NUP133: variants seen among roughly 807,000 people sequenced by gnomAD.
NUP133 encodes nuclear pore complex protein Nup133.
A neutral mutation model predicts 146.2 loss-of-function variants in NUP133; 66 were observed. The ratio of observed to expected loss-of-function variants is 0.45; its 90% confidence interval spans 0.37 to 0.55. The LOEUF is 0.55. Ranked by LOEUF, NUP133 falls within the 20% of genes least tolerant of loss-of-function variation. The probability of loss-of-function intolerance (pLI) is 0.00; values close to 1 mark genes in which losing one functional copy is unlikely to be tolerated. For missense variants in NUP133, 1,277 were observed against 1,374.8 expected, an observed-to-expected ratio of 0.93 and a Z score of 1.12; for synonymous variants, 521 against 498.8, an observed-to-expected ratio of 1.04 and a Z score of -0.59.
chr1:229,497,604 C>T (rs1661685381), intron 6 of NUP133, among the ~76,000 whole-genome samples: 1 of 152,204 alleles, frequency 6.6e-6, no homozygotes, highest in East Asian at 1.9e-4. Context: ...GCTTCCTCAT[C>T]TGTAAACTGG....
At position 229,472,707 on chromosome 1, in the gene NUP133, C is replaced by CATATATATATATATATATATAT. The variant is rs372362492; in HGVS notation, c.1852-1904_1852-1903insATATATATATATATATATATAT. 6.5e-3 allele frequency among the ~76,000 whole-genome samples: 811 copies of CATATATATATATATATATATAT among 124,062 alleles called. 18 individuals are homozygous for CATATATATATATATATATATAT. Among genetic ancestry groups the CATATATATATATATATATATAT allele is most frequent in the African/African-American group, 0.016 (509 of 31,840 alleles). The allele number at this position is 124,062 out of a possible 152,430, so 81.4% of individuals were successfully genotyped here. Reference sequence around the variant, plus strand: ...CAAAAAAATTAAAAAACTAAATATACATATATATATATATATATATGTACA... The same window carrying CATATATATATATATATATATAT: ...CAAAAAAATTAAAAAACTAAATATACATATATATATATATATATATATATATATATATATATATATATGTACA... On this transcript the variant is annotated intron_variant, in intron 14 of 25. Coordinates refer to ENST00000261396, the MANE Select transcript of NUP133 (RefSeq NM_018230.3).
intron 12 of NUP133, 99 bp from the exon 13 acceptor site, chr1:229,477,859 A>C (rs1317724667): frequency 3.5e-6 from 3 of 850,070 alleles, no homozygotes; most frequent in East Asian, 5.4e-5. Flanking sequence ...AGCCAAAAAA[A>C]AGAATGCGAT....
At chr1:229,454,322 C>T (rs901011423) in intron 21 of NUP133, among the ~76,000 whole-genome samples, 1 of 152,164 alleles carries the variant, frequency 6.6e-6, no homozygotes, top group Non-Finnish European at 1.5e-5. Context: ...ACAGCATTCA[C>T]AGCAAAACAG....
rs927844785 is a variant in NUP133 at position 229,445,133 on chromosome 1, CA to C, written c.3246-132del. The C allele has an allele frequency of 4.5e-6, 3 of 671,312 alleles. No homozygotes were observed. The African/African-American group carries it at 5.4e-5, about 12-fold the overall frequency. The allele number at this position is 671,312 out of a possible 1,614,324, so 41.6% of individuals were successfully genotyped here. On this transcript the variant is annotated intron_variant, in intron 24 of 25. Coordinates refer to ENST00000261396, the MANE Select transcript of NUP133 (RefSeq NM_018230.3). ...GAATCTGAGTTTTGTGATACTGTTT[CA>C]AATCATTTAAATAAAGGCACTTTAC...
intron 8 of NUP133, among the ~76,000 whole-genome samples, chr1:229,490,705 G>A (rs929294031): frequency 1.2e-4 from 18 of 152,166 alleles, no homozygotes; most frequent in African/African-American, 4.3e-4. Flanking sequence ...GCTCACGTCT[G>A]TAATCCCAGC....
In NUP133 at chr1:229,470,611, T is replaced by C. The variant is rs1346813375; in HGVS notation, c.2045A>G (p.Asn682Ser). 2 of 1,614,056 alleles carry C rather than the reference T, an allele frequency of 1.2e-6. No individual in the cohort carries two copies. Among genetic ancestry groups the C allele is most frequent in the Non-Finnish European group, 1.7e-6 (2 of 1,180,034 alleles). The change falls in exon 15 of 26, where the codon AAC (asparagine) becomes AGC (serine). Residue 682 changes from asparagine to serine, a missense_variant. By Grantham distance (46) the Asn-to-Ser change is conservative. Around this residue, in one of 3 missense-constraint regions of NUP133, gnomAD observed 952 missense variants for 1,047.0 expected, o/e 0.91. Coordinates refer to ENST00000261396, the MANE Select transcript of NUP133 (RefSeq NM_018230.3). ...LNKREYEIPSNLTPADVFFRE... is the reference protein window; with the variant it reads ...LNKREYEIPSSLTPADVFFRE... ...GAAAAAGACATCTGCAGGAGTCAGGTTGGATGGGATTTCATACTCCCTCTT... is the reference window on the plus strand; with the variant it reads ...GAAAAAGACATCTGCAGGAGTCAGGCTGGATGGGATTTCATACTCCCTCTT...
At chr1:229,447,514 C>T (rs1315868464) in intron 24 of NUP133, among the ~76,000 whole-genome samples, 1 of 151,648 alleles carries the variant, frequency 6.6e-6, no homozygotes, top group Non-Finnish European at 1.5e-5. Flanking sequence ...GCTGGCAGCC[C>T]CCAGCTAGCT....
chr1:229,458,347 T>C (rs1660614772), intron 20 of NUP133, 51 bp from the exon 21 acceptor site: 2 of 1,572,980 alleles, frequency 1.3e-6, no homozygotes, highest in East Asian at 4.5e-5. Flanking sequence ...CAATTCAAGC[T>C]GAAACAAAGG....
intron 12 of NUP133, among the ~76,000 whole-genome samples, chr1:229,482,581 T>A (rs944805876): frequency 6.6e-6 from 1 of 152,164 alleles, no homozygotes; most frequent in Non-Finnish European, 1.5e-5. Context: ...AGTACCAGAA[T>A]ACATGAGCAG....
chr1:229,476,694 C>G (rs1050387369), intron 13 of NUP133, among the ~76,000 whole-genome samples: 2 of 151,832 alleles, frequency 1.3e-5, no homozygotes, highest in East Asian at 3.9e-4. Flanking sequence ...GAGATCAAAG[C>G]GGGTGGACCA....
chr1:229,487,887 A>G (rs2102775842), intron 9 of NUP133, among the ~76,000 whole-genome samples: 1 of 130,794 alleles, frequency 7.6e-6, no homozygotes, highest in East Asian at 2.2e-4. Flanking sequence ...TCTGTTGCCC[A>G]GGCTGGAGGG....
chr1:229,486,559 T>G (rs1179637622), intron 10 of NUP133, 31 bp from the exon 11 acceptor site: 4 of 1,581,558 alleles, frequency 2.5e-6, no homozygotes, highest in Non-Finnish European at 3.4e-6. Context: ...GTCAAATACA[T>G]CTAACAATAA....
At chr1:229,474,493 G>A (rs1342028063) in intron 14 of NUP133, among the ~76,000 whole-genome samples, 3 of 152,098 alleles carry the variant, frequency 2.0e-5, no homozygotes, top group East Asian at 3.9e-4. Context: ...GATAAACCAT[G>A]CACAAAATTG....
intron 23 of NUP133, among the ~76,000 whole-genome samples, chr1:229,449,874 T>TATATATATATATATATATATATATATA (rs1491123491): frequency 1.3e-5 from 1 of 78,020 alleles, no homozygotes; most frequent in African/African-American, 5.3e-5. Flanking sequence ...TATATATATA[T>TATATATATATATATATATATATATATA]TTTTTTTTTT....
chr1:229,477,459 A>T, intron 13 of NUP133, 138 bp downstream of exon 13: 1 of 577,500 alleles, frequency 1.7e-6, no homozygotes, highest in Non-Finnish European at 2.7e-6. Context: ...AAAAAAAAGG[A>T]AGGTCACAAT....
intron 8 of NUP133, among the ~76,000 whole-genome samples, chr1:229,490,932 T>C (rs768839804): frequency 8.2e-5 from 12 of 146,988 alleles, no homozygotes; most frequent in East Asian, 8.0e-4. Context: ...GCCTGGGCGA[T>C]AGAGTGACAC....
At chr1:229,485,485 C>T (rs533362810) in intron 11 of NUP133, among the ~76,000 whole-genome samples, 64 of 152,274 alleles carry the variant, frequency 4.2e-4, no homozygotes, top group African/African-American at 1.5e-3. Flanking sequence ...TCATTATACA[C>T]TCCAAGAGTC....
chr1:229,454,430 C>T (rs564904528), intron 21 of NUP133, among the ~76,000 whole-genome samples: 1 of 152,268 alleles, frequency 6.6e-6, no homozygotes, highest in South Asian at 2.1e-4. Context: ...CATTTCTGTA[C>T]CTAGAAAATC....
At chr1:229,504,065 C>T (rs1661875387) in intron 2 of NUP133, among the ~76,000 whole-genome samples, 1 of 151,834 alleles carries the variant, frequency 6.6e-6, no homozygotes, top group Non-Finnish European at 1.5e-5. Flanking sequence ...CCTAAAGCTC[C>T]CAAGGACCTA....
Sources: allele counts gnomAD v4.1 joint callset (sites outside exome capture counted in the v4.1 genomes callset), GRCh38; gene constraint gnomAD v4.1.1; regional missense constraint gnomAD v4.1.1; transcripts MANE v1.5; gene names NCBI Gene and HGNC (gene_info 2026-07-23, HGNC 2026-07-21).